PPM1H: variants seen among roughly 807,000 people sequenced by gnomAD.
PPM1H encodes protein phosphatase, Mg2+/Mn2+ dependent 1H, also known as protein phosphatase 1H.
A neutral mutation model predicts 54.9 loss-of-function variants in PPM1H; 27 were observed. The observed-to-expected ratio is 0.49, with a 90% confidence interval of 0.36 to 0.68. PPM1H has a LOEUF of 0.68. PPM1H is among the 30% of genes least tolerant of loss of function. The pLI is 0.00. For missense variants in PPM1H, 596 were observed against 667.8 expected, an observed-to-expected ratio of 0.89 and a Z score of 1.19; for synonymous variants, 305 against 270.8, an observed-to-expected ratio of 1.13 and a Z score of -1.24.
At chr12:62,759,121 C>T (rs566125894) in intron 4 of PPM1H, among the ~76,000 whole-genome samples, 6 of 152,282 alleles carry the variant, frequency 3.9e-5, no homozygotes, top group Non-Finnish European at 2.9e-5. Flanking sequence ...GGACTCAGCC[C>T]GCCTGCACCC....
intron 1 of PPM1H, among the ~76,000 whole-genome samples, chr12:62,916,005 A>G (rs977721743): frequency 6.6e-6 from 1 of 152,016 alleles, no homozygotes; most frequent in Non-Finnish European, 1.5e-5. Flanking sequence ...ATTTTCTCCA[A>G]ACTTAGAATT....
intron 2 of PPM1H, among the ~76,000 whole-genome samples, chr12:62,823,754 T>G (rs1363035025): frequency 6.6e-6 from 1 of 152,152 alleles, no homozygotes; most frequent in Non-Finnish European, 1.5e-5. Flanking sequence ...TATCTCAAAA[T>G]AATAGGAGCT....
At chr12:62,869,680 T>C (rs1337079688) in intron 1 of PPM1H, among the ~76,000 whole-genome samples, 1 of 152,196 alleles carries the variant, frequency 6.6e-6, no homozygotes. Context: ...CAAGGACTTC[T>C]CAATGCACTT....
At position 62,930,342 on chromosome 12, in the gene PPM1H, G is replaced by GA. The variant is rs542432875; in HGVS notation, c.245+4149dup. 2.4e-4 allele frequency among the ~76,000 whole-genome samples: 36 copies of GA among 151,934 alleles called. No individual in the cohort carries two copies. The East Asian group carries it at 2.5e-3, about 11-fold the overall frequency. Reference sequence around the variant, plus strand: ...CCAGGGGTACTTTTATAAGAAATAGGAAAAAAAATTTATAGTTATAGCTAT... The same window carrying GA: ...CCAGGGGTACTTTTATAAGAAATAGGAAAAAAAAATTTATAGTTATAGCTAT... On this transcript the variant is annotated intron_variant, in intron 1 of 9. Transcript: ENST00000228705.
intron 1 of PPM1H, among the ~76,000 whole-genome samples, chr12:62,871,939 T>A (rs529779899): frequency 1.3e-5 from 2 of 152,284 alleles, no homozygotes; most frequent in Non-Finnish European, 2.9e-5. Flanking sequence ...ACTCTTACAG[T>A]GGGTCACAGA....
At chr12:62,912,166 CAT>C (rs1435524813) in intron 1 of PPM1H, among the ~76,000 whole-genome samples, 1 of 152,164 alleles carries the variant, frequency 6.6e-6, no homozygotes, top group Non-Finnish European at 1.5e-5. Context: ...ATTCAGATAA[CAT>C]AGTGAAAAAC....
chr12:62,844,362 C>A lies in PPM1H; in HGVS notation c.246-12083G>T, dbSNP rs1301285986. Among the ~76,000 whole-genome samples the A allele has an allele frequency of 6.6e-6, 1 of 152,138 alleles. No individual in the cohort carries two copies. The highest frequency in any genetic ancestry group is 6.6e-5 in the Admixed American group (1 of 15,266). ...AGCATTCCTGAGGAGAAATAATGTT[C>A]TGAGGGGCAAGGGGGGCGTCTTATC... On this transcript the variant is annotated intron_variant, in intron 1 of 9. Transcript: ENST00000228705. The surrounding 1 kb of genome is among the most constrained non-coding windows in gnomAD (Gnocchi z 5.2).
rs2075780351 is a variant in PPM1H at position 62,645,625 on chromosome 12, A to G, written c.*2864T>C. On this transcript the variant is annotated 3_prime_UTR_variant, in exon 10 of 10. Coordinates refer to ENST00000228705, the MANE Select transcript of PPM1H (RefSeq NM_020700.2). Reference sequence around the variant, plus strand: ...GACGGACTGAGTTTGTTCTAAGGAAAGGAGTTTCACCAGATAGTCTGAAGA... The same window carrying G: ...GACGGACTGAGTTTGTTCTAAGGAAGGGAGTTTCACCAGATAGTCTGAAGA... 6.6e-6 allele frequency: 1 copy of G among 152,236 alleles called. No individual in the cohort carries two copies. The highest frequency in any genetic ancestry group is 1.5e-5 in the Non-Finnish European group (1 of 68,072). 9.4% of individuals were successfully genotyped at this position (152,236 alleles called of 1,614,324 possible).
intron 3 of PPM1H, among the ~76,000 whole-genome samples, chr12:62,797,831 G>A (rs2076744916): frequency 2.0e-5 from 3 of 152,086 alleles, no homozygotes; most frequent in South Asian, 2.1e-4. Flanking sequence ...CTCTGATGAC[G>A]CAAAGAAAAA....
Position 62,755,919 on chromosome 12 carries a change from T to C in PPM1H, c.870-18333A>G, listed in dbSNP as rs138753739. 8.1e-3 allele frequency: 6,428 copies of C among 790,998 alleles called. 39 individuals are homozygous for C. The highest frequency in any genetic ancestry group is 0.011 in the Non-Finnish European group (4,841 of 448,522). The allele number at this position is 790,998 out of a possible 1,614,324, so 49.0% of individuals were successfully genotyped here. ...GAGCTAAATGGGAAGTTCACTGGCA[T>C]GGCCTTCTGTGTCCCTACTGCCAAT... On this transcript the variant is annotated intron_variant, in intron 4 of 9. Transcript: ENST00000228705.
chr12:62,676,655 G>T (rs2136623064), intron 8 of PPM1H, among the ~76,000 whole-genome samples: 1 of 152,274 alleles, frequency 6.6e-6, no homozygotes, highest in East Asian at 1.9e-4. Flanking sequence ...GTGGGGGCTT[G>T]GGGCAGCACT....
chr12:62,732,632 T>C (rs1041447972), intron 5 of PPM1H, among the ~76,000 whole-genome samples: 4 of 149,874 alleles, frequency 2.7e-5, no homozygotes, highest in Admixed American at 6.7e-5. Context: ...AGTGCAGTGG[T>C]GCGATCTCAG....
chr12:62,878,545 T>TA (rs922585048), intron 1 of PPM1H, among the ~76,000 whole-genome samples: 92 of 142,504 alleles, frequency 6.5e-4, no homozygotes, highest in Middle Eastern at 3.8e-3. Flanking sequence ...CTACCAGTCC[T>TA]AAAAAGGGTC....
intron 2 of PPM1H, among the ~76,000 whole-genome samples, chr12:62,814,093 T>C (rs1483126270): frequency 6.6e-6 from 1 of 152,152 alleles, no homozygotes; most frequent in Non-Finnish European, 1.5e-5. Flanking sequence ...GCATTTTTTT[T>C]CTAAGAGACA....
intron 8 of PPM1H, among the ~76,000 whole-genome samples, chr12:62,677,893 C>T (rs1294993692): frequency 6.6e-6 from 1 of 152,214 alleles, no homozygotes; most frequent in Admixed American, 6.5e-5. Context: ...GAACTCATCC[C>T]AGATCTAGTG....
At chr12:62,820,553 C>G (rs1413169701) in intron 2 of PPM1H, among the ~76,000 whole-genome samples, 1 of 152,154 alleles carries the variant, frequency 6.6e-6, no homozygotes, top group Non-Finnish European at 1.5e-5. Flanking sequence ...TCCAGAGGAA[C>G]GATCAGGCAG....
In PPM1H at chr12:62,731,127, C is replaced by T. The variant is rs1046225640; in HGVS notation, c.954+6375G>A. Among the ~76,000 whole-genome samples the T allele has an allele frequency of 4.6e-5, 7 of 152,262 alleles. No individual in the cohort carries two copies. In the South Asian group the frequency reaches 1.0e-3, roughly 23 times the overall value. On this transcript the variant is annotated intron_variant, in intron 5 of 9. Transcript: ENST00000228705. The stretch of plus-strand genomic sequence containing the variant: ...AGAGAAGTTCACATTTAAATTTCTA[C>T]GTGATCCAGGGGACCTATTGTAAAC...
intron 9 of PPM1H, among the ~76,000 whole-genome samples, chr12:62,654,306 G>A (rs1177021310): frequency 6.9e-6 from 1 of 145,946 alleles, no homozygotes; most frequent in African/African-American, 2.5e-5. Context: ...GTGGGCACAC[G>A]CACTAGGAGG....
intron 6 of PPM1H, 82 bp from the exon 7 acceptor site, chr12:62,694,081 C>T (rs2076099716): frequency 1.6e-6 from 2 of 1,269,966 alleles, no homozygotes; most frequent in Admixed American, 4.0e-5. Context: ...CTAGGGATTT[C>T]ATTTTCCCTG....
Sources: allele counts gnomAD v4.1 joint callset (sites outside exome capture counted in the v4.1 genomes callset), GRCh38; gene constraint gnomAD v4.1.1; non-coding constraint Gnocchi (gnomAD v3.1); transcripts MANE v1.5; gene names NCBI Gene and HGNC (gene_info 2026-07-23, HGNC 2026-07-21).